Variants in BABAM2 observed in about 807,000 individuals in gnomAD.
BABAM2 encodes BRISC and BRCA1 A complex member 2.
BABAM2 carries 31 observed loss-of-function variants against 54.7 expected under a neutral mutation model. The observed-to-expected ratio is 0.57, with a 90% CI of 0.43 to 0.77. The LOEUF (loss-of-function observed/expected upper bound fraction) is 0.77. Ranked by LOEUF, BABAM2 falls within the 30% of genes least tolerant of loss-of-function variation. The pLI is 0.00. For synonymous variants in BABAM2, 167 were observed against 162.9 expected, an observed-to-expected ratio of 1.03 and a Z score of -0.19; for missense variants, 364 against 455.8, an observed-to-expected ratio of 0.80 and a Z score of 1.83.
At chr2:27,919,098 T>C (rs1282243300) in intron 2 of BABAM2, among the ~76,000 whole-genome samples, 1 of 152,242 alleles carries the variant, frequency 6.6e-6, no homozygotes, top group East Asian at 1.9e-4. Flanking sequence ...ACATCTATTG[T>C]AACATTTATT....
chr2:28,251,297 G>A (rs770648540), intron 10 of BABAM2, among the ~76,000 whole-genome samples: 1 of 151,826 alleles, frequency 6.6e-6, no homozygotes, highest in Non-Finnish European at 1.5e-5. Flanking sequence ...ACTAATTCTG[G>A]TAGTCATTTA....
chr2:28,025,986 T>C (rs186892492), intron 5 of BABAM2, among the ~76,000 whole-genome samples: 65 of 152,282 alleles, frequency 4.3e-4, no homozygotes, highest in Non-Finnish European at 7.2e-4. Flanking sequence ...CTTCCAGTGG[T>C]ATAAAAAACT....
At chr2:27,943,933 T>G (rs1225007898) in intron 3 of BABAM2, among the ~76,000 whole-genome samples, 4 of 152,142 alleles carry the variant, frequency 2.6e-5, no homozygotes, top group Non-Finnish European at 5.9e-5. Context: ...TTCCTTTGTC[T>G]TGGAGTTTTA....
intron 11 of BABAM2, among the ~76,000 whole-genome samples, chr2:28,327,799 G>A (rs1012450663): frequency 2.6e-5 from 4 of 152,186 alleles, no homozygotes; most frequent in African/African-American, 4.8e-5. Context: ...TTCCCACTGC[G>A]ATATCAAGCC....
chr2:28,246,065 G>C (rs1237235071), intron 10 of BABAM2, among the ~76,000 whole-genome samples: 3 of 152,180 alleles, frequency 2.0e-5, no homozygotes, highest in Non-Finnish European at 2.9e-5. Flanking sequence ...GTTTTAAGGA[G>C]ATGGGCCTCT....
intron 10 of BABAM2, among the ~76,000 whole-genome samples, chr2:28,245,322 A>G (rs1434825966): frequency 6.6e-6 from 1 of 152,202 alleles, no homozygotes; most frequent in African/African-American, 2.4e-5. Flanking sequence ...GTATTATTGG[A>G]AACATACCTG....
chr2:28,133,980 G>T (rs183748401), intron 7 of BABAM2, among the ~76,000 whole-genome samples: 51 of 152,246 alleles, frequency 3.3e-4, no homozygotes, highest in Middle Eastern at 3.4e-3. Context: ...CCCTTACGAT[G>T]CTTAGATGCA....
chr2:27,970,033 T>A (rs1016910204), intron 3 of BABAM2, among the ~76,000 whole-genome samples: 1 of 152,244 alleles, frequency 6.6e-6, no homozygotes, highest in African/African-American at 2.4e-5. Flanking sequence ...CTTTTGCTCA[T>A]GATGTTCCCT....
chr2:28,143,170 G>A (rs981211364), intron 7 of BABAM2, among the ~76,000 whole-genome samples: 3 of 151,720 alleles, frequency 2.0e-5, no homozygotes, highest in African/African-American at 7.3e-5. Context: ...TAAAACAATG[G>A]ACTAGTATTC....
At chr2:28,170,282 A>G (rs374337209) in intron 7 of BABAM2, among the ~76,000 whole-genome samples, 9 of 152,094 alleles carry the variant, frequency 5.9e-5, no homozygotes, top group African/African-American at 1.4e-4. Flanking sequence ...CTGTATATCA[A>G]AATTAATAGT....
intron 5 of BABAM2, among the ~76,000 whole-genome samples, chr2:28,030,130 T>C (rs1347712716): frequency 1.3e-5 from 2 of 152,180 alleles, no homozygotes; most frequent in African/African-American, 2.4e-5. Flanking sequence ...TATAATCCAG[T>C]TTTATGGCAC....
At chr2:28,237,802 G>A (rs1573905900) in intron 8 of BABAM2, among the ~76,000 whole-genome samples, 1 of 152,172 alleles carries the variant, frequency 6.6e-6, no homozygotes, top group African/African-American at 2.4e-5. Context: ...TCTGGGAGCA[G>A]TTCACCAGAG....
chr2:28,217,070 C>T (rs1162666496), intron 7 of BABAM2, among the ~76,000 whole-genome samples: 2 of 152,184 alleles, frequency 1.3e-5, no homozygotes, highest in Non-Finnish European at 2.9e-5. Context: ...CACCTGCCGT[C>T]TGCCCTCATC....
At chr2:28,166,679 C>T (rs1197683026) in intron 7 of BABAM2, among the ~76,000 whole-genome samples, 2 of 152,182 alleles carry the variant, frequency 1.3e-5, no homozygotes, top group Non-Finnish European at 2.9e-5. Flanking sequence ...CCTATGGCCA[C>T]AACTCCACTG....
At chr2:28,267,450 C>CAT (rs1438241631) in intron 10 of BABAM2, among the ~76,000 whole-genome samples, 1 of 148,844 alleles carries the variant, frequency 6.7e-6, no homozygotes, top group African/African-American at 2.6e-5. Flanking sequence ...CACACACACA[C>CAT]ACACACACAC....
At chr2:28,130,345 C>CA (rs1308891686) in intron 7 of BABAM2, among the ~76,000 whole-genome samples, 1 of 152,128 alleles carries the variant, frequency 6.6e-6, no homozygotes, top group Non-Finnish European at 1.5e-5. Flanking sequence ...TGTTTATACT[C>CA]AAATATGGGA....
upstream of BABAM2, chr2:27,890,463 G>A: frequency 1.0e-6 from 1 of 970,268 alleles, no homozygotes; most frequent in South Asian, 1.5e-5. The surrounding 1 kb of genome is among the most constrained non-coding windows in gnomAD (Gnocchi z 4.8). Flanking sequence ...CGCCTACGCG[G>A]GTCGCCCACC....
At chr2:28,065,913 G>A (rs1663487403) in intron 6 of BABAM2, among the ~76,000 whole-genome samples, 1 of 151,274 alleles carries the variant, frequency 6.6e-6, no homozygotes, top group Non-Finnish European at 1.5e-5. Context: ...GGCCGAGGCA[G>A]GCGGATCACT....
intron 3 of BABAM2, among the ~76,000 whole-genome samples, chr2:27,973,467 A>G (rs1165336716): frequency 6.6e-6 from 1 of 151,642 alleles, no homozygotes; most frequent in Non-Finnish European, 1.5e-5. Flanking sequence ...TTCTGTCCCT[A>G]AGGCAGGCAA....
Sources: gnomAD v4.1 joint callset for allele counts (sites outside exome capture counted in the v4.1 genomes callset) on GRCh38, gnomAD v4.1.1 for gene constraint, Gnocchi (gnomAD v3.1) non-coding constraint, MANE v1.5 for transcripts, NCBI Gene and HGNC (gene_info 2026-07-23, HGNC 2026-07-21) for gene names.